The following HECW1 variants were observed in gnomAD, a reference collection of about 807,000 sequenced individuals.
HECW1 encodes E3 ubiquitin-protein ligase HECW1.
HECW1 carries 61 observed loss-of-function variants against 182.3 expected under a neutral mutation model. That is an observed-to-expected ratio of 0.33 (90% CI 0.27 to 0.41). HECW1 has a LOEUF of 0.41. HECW1 is among the 10% of genes least tolerant of loss of function. The pLI is 1.00. For synonymous variants in HECW1, 859 were observed against 832.6 expected, an observed-to-expected ratio of 1.03 and a Z score of -0.55; for missense variants, 1,739 against 2,108.9, an observed-to-expected ratio of 0.82 and a Z score of 3.44.
At chr7:43,223,340 A>G (rs1206089677) in intron 2 of HECW1, among the ~76,000 whole-genome samples, 1 of 152,184 alleles carries the variant, frequency 6.6e-6, no homozygotes, top group African/African-American at 2.4e-5. Flanking sequence ...TGTCAAGGCC[A>G]GGCGCCATGG....
intron 12 of HECW1, among the ~76,000 whole-genome samples, chr7:43,452,985 G>A (rs142411287): frequency 2.1e-3 from 314 of 152,348 alleles, no homozygotes; most frequent in African/African-American, 6.9e-3. Flanking sequence ...AAGGCAGCAG[G>A]TGATGTGGTT....
intron 7 of HECW1, among the ~76,000 whole-genome samples, chr7:43,398,685 G>A (rs1209556375): frequency 5.3e-5 from 8 of 152,172 alleles, no homozygotes; most frequent in South Asian, 2.1e-4. Flanking sequence ...AGACAGAGCC[G>A]ATTTATCAAG....
chr7:43,554,449 T>C (rs1231577934), intron 28 of HECW1, 143 bp from the exon 29 acceptor site: 2 of 718,588 alleles, frequency 2.8e-6, no homozygotes, highest in Non-Finnish European at 4.7e-6. Flanking sequence ...TTTAGACCTC[T>C]CTAAAGGCCA....
rs1306825325 is a variant in HECW1 at position 43,564,664 on chromosome 7, A to C, written c.*2738A>C. ...TATTGCAACCTTGCATAGAATCCTT[A>C]AGGAAGAAAAACAAAGAGAAGAGGA... On this transcript the variant is annotated 3_prime_UTR_variant, in exon 30 of 30. Coordinates refer to ENST00000395891, the MANE Select transcript of HECW1 (RefSeq NM_015052.5). 5.5e-6 allele frequency: 1 copy of C among 180,500 alleles called. No individual in the cohort carries two copies. The highest frequency in any genetic ancestry group is 6.3e-5 in the Admixed American group (1 of 15,906). The allele number at this position is 180,500 out of a possible 1,614,324, so 11.2% of individuals were successfully genotyped here. A position where few individuals can be genotyped will look rare whatever the true frequency, so the allele number is the denominator to read the frequency against.
At chr7:43,336,026 TTTTC>T (rs947112427) in intron 5 of HECW1, among the ~76,000 whole-genome samples, 26 of 144,800 alleles carry the variant, frequency 1.8e-4, no homozygotes, top group Non-Finnish European at 3.2e-4. Context: ...CTTTCTTTCT[TTTTC>T]TTTCTTTCTC....
chr7:43,468,085 C>A (rs1160341208), intron 15 of HECW1, among the ~76,000 whole-genome samples: 2 of 151,956 alleles, frequency 1.3e-5, no homozygotes, highest in East Asian at 1.9e-4. Context: ...TGTCCTTTCA[C>A]CACCAGCCCC....
chr7:43,117,788 A>G (rs1785188236), intron 2 of HECW1: 1 of 152,236 alleles, frequency 6.6e-6, no homozygotes, highest in Non-Finnish European at 1.5e-5. Flanking sequence ...AAGGAGAATG[A>G]TAATAATGCA....
chr7:43,442,722 A>G (rs1584921070), intron 10 of HECW1, 93 bp downstream of exon 10: 1 of 858,748 alleles, frequency 1.2e-6, no homozygotes, highest in Admixed American at 2.0e-5. Context: ...TTCTCTCCAG[A>G]TGTATCCTAG....
At chr7:43,383,528 G>A (rs2152829095) in intron 6 of HECW1, among the ~76,000 whole-genome samples, 1 of 152,306 alleles carries the variant, frequency 6.6e-6, no homozygotes, top group East Asian at 1.9e-4. Context: ...TTTCTCTAAT[G>A]ACCAGTGATG....
At chr7:43,456,271 C>CT in intron 12 of HECW1, 26 bp from the exon 13 acceptor site, 1 of 1,538,966 alleles carries the variant, frequency 6.5e-7, no homozygotes, top group Admixed American at 2.0e-5. Context: ...CTTGATTTTT[C>CT]TTTTTGCCTT....
chr7:43,546,629 AC>A (rs752780584), intron 26 of HECW1, among the ~76,000 whole-genome samples: 6 of 110,494 alleles, frequency 5.4e-5, no homozygotes, highest in Middle Eastern at 0.011. Context: ...AAAAAAAAAA[AC>A]AAACAAACTT....
intron 5 of HECW1, among the ~76,000 whole-genome samples, chr7:43,353,013 T>C (rs1461188815): frequency 2.0e-5 from 3 of 152,154 alleles, no homozygotes; most frequent in African/African-American, 7.2e-5. Flanking sequence ...AGTGAAACAA[T>C]CTGTACTCTC....
At chr7:43,489,289 G>A (rs369748135) in intron 17 of HECW1, among the ~76,000 whole-genome samples, 4 of 152,090 alleles carry the variant, frequency 2.6e-5, no homozygotes, top group Non-Finnish European at 5.9e-5. Context: ...TTAAATACAC[G>A]TTAAGGCAAA....
intron 8 of HECW1, among the ~76,000 whole-genome samples, chr7:43,422,583 G>A (rs141493947): frequency 7.2e-5 from 11 of 151,940 alleles, no homozygotes; most frequent in African/African-American, 2.2e-4. Context: ...TAGCCAGGCT[G>A]GTCTTGAACG....
chr7:43,469,226 G>A (rs930151007), intron 16 of HECW1, 121 bp downstream of exon 16: 28 of 1,051,160 alleles, frequency 2.7e-5, no homozygotes, highest in Admixed American at 1.3e-4. Flanking sequence ...GCTATCGGCC[G>A]CCAGCAGTAA....
chr7:43,431,879 GCTTTT>G (rs1339680631), intron 8 of HECW1, among the ~76,000 whole-genome samples: 7 of 146,948 alleles, frequency 4.8e-5, no homozygotes, highest in Non-Finnish European at 6.0e-5. Flanking sequence ...ACCGACACTT[GCTTTT>G]TTTTTTTTTT....
At chr7:43,287,068 G>C (rs1437449174) in intron 3 of HECW1, among the ~76,000 whole-genome samples, 1 of 152,198 alleles carries the variant, frequency 6.6e-6, no homozygotes, top group African/African-American at 2.4e-5. Flanking sequence ...GTACGTAGTA[G>C]TGAACGTAAC....
intron 2 of HECW1, among the ~76,000 whole-genome samples, chr7:43,235,018 T>C (rs1798196550): frequency 6.6e-6 from 1 of 152,158 alleles, no homozygotes; most frequent in Admixed American, 6.5e-5. Context: ...CACCAGCAAA[T>C]CCGGCCAATC....
intron 6 of HECW1, among the ~76,000 whole-genome samples, chr7:43,372,888 C>T (rs912567703): frequency 6.6e-6 from 1 of 151,980 alleles, no homozygotes; most frequent in Non-Finnish European, 1.5e-5. Context: ...AGGGGTCAGA[C>T]GCTCATCAAG....
Sources: allele counts gnomAD v4.1 joint callset (sites outside exome capture counted in the v4.1 genomes callset), GRCh38; gene constraint gnomAD v4.1.1; transcripts MANE v1.5; gene names NCBI Gene and HGNC (gene_info 2026-07-23, HGNC 2026-07-21).